PDSS2: variants seen among roughly 807,000 people sequenced by gnomAD.
PDSS2 encodes decaprenyl diphosphate synthase subunit 2.
PDSS2 carries 31 observed loss-of-function variants against 44.5 expected under a neutral mutation model. That is an observed-to-expected ratio of 0.70 (90% CI 0.52 to 0.94). The LOEUF is 0.94. Among genes scored for constraint, PDSS2 ranks in the 40% least tolerant of loss-of-function variants. PDSS2 has a pLI of 0.00. For synonymous variants in PDSS2, 157 were observed against 180.3 expected (o/e 0.87, Z 1.03); for missense variants, 452 against 482.2 (o/e 0.94, Z 0.59).
At position 107,301,843 on chromosome 6, in the gene PDSS2, G is replaced by A. The variant is rs151261664; in HGVS notation, c.432-27616C>T. Among the ~76,000 whole-genome samples, 161 of 142,510 alleles carry A rather than the reference G, an allele frequency of 1.1e-3. 1 individual carries two copies. The highest frequency in any genetic ancestry group is 1.3e-3 in the Non-Finnish European group (90 of 66,688). The allele number at this position is 142,510 out of a possible 152,430, so 93.5% of individuals were successfully genotyped here. A position where few individuals can be genotyped will look rare whatever the true frequency, so the allele number is the denominator to read the frequency against. On this transcript the variant is annotated intron_variant, in intron 2 of 7. Coordinates refer to ENST00000369037, the MANE Select transcript of PDSS2 (RefSeq NM_020381.4). The stretch of plus-strand genomic sequence containing the variant: ...CAGGCATGGTCTGGGCTGAAGCACT[G>A]AACTCGGGAGGTGGAGGTTGCAGTG...
At chr6:107,257,152 C>G (rs1303637654) in intron 3 of PDSS2, among the ~76,000 whole-genome samples, 1 of 151,898 alleles carries the variant, frequency 6.6e-6, no homozygotes, top group African/African-American at 2.4e-5. Context: ...TACACTCCAG[C>G]CTGGGTGACA....
At chr6:107,308,415 A>G (rs1183640648) in intron 2 of PDSS2, among the ~76,000 whole-genome samples, 1 of 152,224 alleles carries the variant, frequency 6.6e-6, no homozygotes, top group Non-Finnish European at 1.5e-5. Context: ...ACGACTATGT[A>G]TCAAGGTGTG....
At chr6:107,377,335 C>G (rs1190315162) in intron 1 of PDSS2, among the ~76,000 whole-genome samples, 13 of 152,160 alleles carry the variant, frequency 8.5e-5, no homozygotes, top group East Asian at 3.9e-4. Flanking sequence ...ACCACAATAA[C>G]ATACCATCTC....
intron 6 of PDSS2, among the ~76,000 whole-genome samples, chr6:107,205,357 G>T (rs1276051703): frequency 6.6e-6 from 1 of 152,178 alleles, no homozygotes; most frequent in East Asian, 1.9e-4. Context: ...ACTTATAGTG[G>T]CAGCAGAAAA....
At chr6:107,358,980 CA>C (rs1778674118) in intron 1 of PDSS2, among the ~76,000 whole-genome samples, 1 of 146,406 alleles carries the variant, frequency 6.8e-6, no homozygotes, top group African/African-American at 2.5e-5. Context: ...AGAGGCAAAG[CA>C]AATCAGGAGC....
At chr6:107,194,495 T>C (rs1772486488) in intron 6 of PDSS2, among the ~76,000 whole-genome samples, 1 of 152,222 alleles carries the variant, frequency 6.6e-6, no homozygotes, top group African/African-American at 2.4e-5. Flanking sequence ...CTTCATTGCG[T>C]CATTTAACTT....
At chr6:107,394,803 T>G (rs1244505758) in intron 1 of PDSS2, among the ~76,000 whole-genome samples, 2 of 152,182 alleles carry the variant, frequency 1.3e-5, no homozygotes, top group Admixed American at 6.5e-5. Context: ...TATTGCTGGG[T>G]TTTTTTGTTT....
intron 1 of PDSS2, among the ~76,000 whole-genome samples, chr6:107,374,115 G>A (rs1362332578): frequency 6.6e-6 from 1 of 151,918 alleles, no homozygotes. Context: ...TTAACCTGCC[G>A]TGGTGGCGCC....
At chr6:107,207,988 T>TTG (rs1554253992) in intron 6 of PDSS2, among the ~76,000 whole-genome samples, 5 of 143,822 alleles carry the variant, frequency 3.5e-5, no homozygotes, top group East Asian at 2.0e-4. Flanking sequence ...GTTTTTTTTT[T>TTG]TTTTTTTTTT....
intron 6 of PDSS2, among the ~76,000 whole-genome samples, chr6:107,207,197 T>C (rs1365041798): frequency 3.3e-5 from 5 of 152,128 alleles, no homozygotes; most frequent in Admixed American, 2.6e-4. Context: ...TTTCACCATG[T>C]TAGCCAGGAT....
chr6:107,307,887 G>A (rs1057000706), intron 2 of PDSS2, among the ~76,000 whole-genome samples: 2 of 152,132 alleles, frequency 1.3e-5, no homozygotes, highest in African/African-American at 4.8e-5. Flanking sequence ...AAATACTGAT[G>A]ACTCCTCTCT....
At chr6:107,405,369 T>A (rs1780278428) in intron 1 of PDSS2, among the ~76,000 whole-genome samples, 1 of 149,520 alleles carries the variant, frequency 6.7e-6, no homozygotes. Context: ...ATAAAACAAT[T>A]ACAAAAAGGA....
chr6:107,324,567 T>C (rs1268010897), intron 2 of PDSS2, among the ~76,000 whole-genome samples: 1 of 152,152 alleles, frequency 6.6e-6, no homozygotes. Flanking sequence ...TTTAGACCAT[T>C]CCCTTATATC....
In PDSS2 at chr6:107,276,403, C is replaced by T. The variant is rs112678385; in HGVS notation, c.432-2176G>A. Among the ~76,000 whole-genome samples, 285 of 152,162 alleles carry T rather than the reference C, an allele frequency of 1.9e-3. 5 individuals carry two copies. The highest frequency in any genetic ancestry group is 6.6e-3 in the African/African-American group (276 of 41,532). ...GATTCACTGTTGCATGTTGGATAGA[C>T]GGTGGTGTGTGGTTGGGGGGAGGGT... On this transcript the variant is annotated intron_variant, in intron 2 of 7. Transcript: ENST00000369037.
At chr6:107,349,325 C>T (rs1285550552) in intron 1 of PDSS2, among the ~76,000 whole-genome samples, 2 of 151,614 alleles carry the variant, frequency 1.3e-5, no homozygotes, top group Non-Finnish European at 2.9e-5. Context: ...CCCAGCTACT[C>T]GTGAGGCTGA....
intron 7 of PDSS2, among the ~76,000 whole-genome samples, chr6:107,181,488 G>A (rs1771976103): frequency 1.4e-5 from 2 of 141,578 alleles, no homozygotes; most frequent in African/African-American, 5.3e-5. Flanking sequence ...ATTTAAGATT[G>A]TGCCATTGCA....
Position 107,410,442 on chromosome 6 carries a change from A to G in PDSS2, c.296+48548T>C, listed in dbSNP as rs557746712. Among the ~76,000 whole-genome samples the G allele has an allele frequency of 4.6e-5, 7 of 151,784 alleles. No individual in the cohort carries two copies. In the South Asian group the frequency reaches 1.5e-3, roughly 32 times the overall value. ...ACTTTCCTCCTTTCTTACACAAAGG[A>G]TAGCATGTTATATGTACTGTCCTCT... On this transcript the variant is annotated intron_variant, in intron 1 of 7. Transcript: ENST00000369037.
intron 6 of PDSS2, among the ~76,000 whole-genome samples, chr6:107,209,562 CTT>C (rs543768033): frequency 0.055 from 6,934 of 126,128 alleles, 512 homozygotes; most frequent in African/African-American, 0.19. Context: ...AGGCTCTAAG[CTT>C]TTTTTTTTTT....
chr6:107,340,139 T>C lies in PDSS2; in HGVS notation c.297-5807A>G, dbSNP rs80294804. Among the ~76,000 whole-genome samples, 1,263 of 152,100 alleles carry C rather than the reference T, an allele frequency of 8.3e-3. 20 individuals are homozygous for C. Among genetic ancestry groups the C allele is most frequent in the African/African-American group, 0.027 (1,117 of 41,498 alleles). ...ACTCAAAAAGATGTTGCATACTACATAGTCCTGGAAAATTAGCTAATATAG... is the reference window on the plus strand; with the variant it reads ...ACTCAAAAAGATGTTGCATACTACACAGTCCTGGAAAATTAGCTAATATAG... On this transcript the variant is annotated intron_variant, in intron 1 of 7. Transcript: ENST00000369037.
Sources: gnomAD v4.1 joint callset for allele counts (sites outside exome capture counted in the v4.1 genomes callset) on GRCh38, gnomAD v4.1.1 for gene constraint, MANE v1.5 for transcripts, NCBI Gene and HGNC (gene_info 2026-07-23, HGNC 2026-07-21) for gene names.